TMEM200C: variants seen among roughly 807,000 people sequenced by gnomAD.
The protein encoded by TMEM200C is transmembrane protein 200C.
For synonymous variants in TMEM200C, 462 were observed against 324.7 expected, an observed-to-expected ratio of 1.42 and a Z score of -4.55; for missense variants, 966 against 699.9, an observed-to-expected ratio of 1.38 and a Z score of -4.29.
rs76397167 is a variant in TMEM200C, at chr18:5,893,713, T to A, written c.-95+1317A>T. Among the ~76,000 whole-genome samples, 688 of 152,338 alleles carry A rather than the reference T, an allele frequency of 4.5e-3. 8 individuals are homozygous for A. Among genetic ancestry groups the A allele is most frequent in the East Asian group, 0.02 (106 of 5,180 alleles). On this transcript the variant is annotated intron_variant, in intron 2 of 2. Coordinates refer to ENST00000581347, the Ensembl canonical transcript of TMEM200C. ...CTTTGGCCCTTGAGTTCCTCCATTA[T>A]ATCAATATAGGCAGGATCTTTTCTC...
chr18:5,889,620 T>G (rs1397814517), exon 3 of TMEM200C: 1 of 152,066 alleles, frequency 6.6e-6, no homozygotes, highest in Non-Finnish European at 1.5e-5. Flanking sequence ...ATGAAGAAGC[T>G]TTTGGGCATT....
exon 3 of TMEM200C, chr18:5,884,489 GA>G (rs895871666): frequency 1.8e-4 from 27 of 152,204 alleles, no homozygotes; most frequent in African/African-American, 6.0e-4. Flanking sequence ...TCTGTGGTCA[GA>G]AATTGTGTCT....
chr18:5,891,909 G>A lies in TMEM200C; in HGVS notation c.155C>T (p.Ser52Leu). 1 of 1,613,562 alleles carries A rather than the reference G, an allele frequency of 6.2e-7. No individual in the cohort carries two copies. The highest frequency in any genetic ancestry group is 8.5e-7 in the Non-Finnish European group (1 of 1,179,896). The change falls in exon 3 of 3, where the codon TCA becomes TTA. Residue 52 changes from serine to leucine, a missense_variant. Transcript: ENST00000581347. This position sits in a 1 kb window ranked among gnomAD's most constrained non-coding sequence, Gnocchi z 4.7. ...GATCCCACAGAGGGCGATGAGCCCT[G>A]AGATGGAGCACAGCTTCAGCTTGCC...
chr18:5,882,381 G>T (rs2095162427), exon 3 of TMEM200C: 1 of 151,962 alleles, frequency 6.6e-6, no homozygotes, highest in Non-Finnish European at 1.5e-5. Flanking sequence ...TTTTTTTCAG[G>T]CAGGTATAGC....
chr18:5,895,587 C>A (rs1436575015), intron 1 of TMEM200C, 65 bp from the exon 1 acceptor site: 1 of 135,096 alleles, frequency 7.4e-6, no homozygotes, highest in African/African-American at 2.9e-5. Flanking sequence ...CCCCGCCCCA[C>A]CCCCTCCTCC....
At position 5,891,905 on chromosome 18, in the gene TMEM200C, C is replaced by T. The variant is rs1197292870; in HGVS notation, c.159G>A (p.Gly53=). ...CCAGGATCCCACAGAGGGCGATGAGCCCTGAGATGGAGCACAGCTTCAGCT... is the reference window on the plus strand; with the variant it reads ...CCAGGATCCCACAGAGGGCGATGAGTCCTGAGATGGAGCACAGCTTCAGCT... The change falls in exon 3 of 3, where the codon GGG becomes GGA. Residue 53 remains glycine, a synonymous_variant. Transcript: ENST00000581347. This position sits in a 1 kb window ranked among gnomAD's most constrained non-coding sequence, Gnocchi z 4.7. 4 of 1,613,320 alleles carry T rather than the reference C, an allele frequency of 2.5e-6. No homozygotes were observed. The Admixed American group carries it at 5.0e-5, about 20-fold the overall frequency.
chr18:5,884,307 A>C lies in TMEM200C; in HGVS notation c.*5891T>G, dbSNP rs151225516. The stretch of plus-strand genomic sequence containing the variant: ...TGTGTTTTGTGTTCTGCATTTGCTC[A>C]TGCTGGCCCCACTGGCCAACACACC... On this transcript the variant is annotated 3_prime_UTR_variant, in exon 3 of 3. Coordinates refer to ENST00000581347, the Ensembl canonical transcript of TMEM200C. The C allele has an allele frequency of 3.9e-5, 6 of 152,240 alleles. No individual in the cohort carries two copies. The East Asian group carries it at 5.8e-4, about 15-fold the overall frequency. The allele number at this position is 152,240 out of a possible 1,614,324, so 9.4% of individuals were successfully genotyped here.
exon 3 of TMEM200C, chr18:5,890,513 G>A: frequency 1.3e-6 from 2 of 1,523,448 alleles, no homozygotes; most frequent in Non-Finnish European, 1.8e-6. Flanking sequence ...CCCGCCTGGT[G>A]GGGGGCGAGC....
chr18:5,886,423 G>A (rs1227454481), exon 3 of TMEM200C: 5 of 152,132 alleles, frequency 3.3e-5, no homozygotes, highest in African/African-American at 4.8e-5. Context: ...GGACCATAAG[G>A]AGCATATGTC....
At chr18:5,893,914 C>CAAA (rs113419102) in intron 2 of TMEM200C, among the ~76,000 whole-genome samples, 3 of 151,524 alleles carry the variant, frequency 2.0e-5, no homozygotes, top group Admixed American at 6.6e-5. Flanking sequence ...TTGAAACAAA[C>CAAA]AAAAAAAAGA....
exon 3 of TMEM200C, chr18:5,883,726 C>T (rs1432742212): frequency 2.6e-5 from 4 of 151,974 alleles, no homozygotes; most frequent in Admixed American, 2.0e-4. Context: ...CTTGATAGAA[C>T]AACCCCCAAG....
chr18:5,894,941 C>G (rs532091930), intron 2 of TMEM200C, 89 bp downstream of exon 1: 84 of 152,480 alleles, frequency 5.5e-4, no homozygotes, highest in Non-Finnish European at 1.0e-3. Context: ...CTCGGGGACC[C>G]GAGGGGCGGG....
In TMEM200C at chr18:5,890,628, C is replaced by T. The variant is rs1295249834; in HGVS notation, c.1436G>A (p.Arg479Gln). ...CGGGGGCTCGGGGGACGGCGGCGCCCGGTAGTCCGGGAGCCCGCTGGTGCT... is the reference window on the plus strand; with the variant it reads ...CGGGGGCTCGGGGGACGGCGGCGCCTGGTAGTCCGGGAGCCCGCTGGTGCT... The change falls in exon 3 of 3, where the codon CGG becomes CAG. Residue 479 changes from arginine (R) to glutamine (Q), a missense_variant. Physicochemically the swap from Arg to Gln is conservative, Grantham distance 43. Transcript: ENST00000581347. The T allele has an allele frequency of 3.7e-5, 34 of 922,562 alleles. No homozygotes were observed. The South Asian group carries it at 7.4e-4, about 20-fold the overall frequency. 57.1% of individuals were successfully genotyped at this position (922,562 alleles called of 1,614,324 possible). A position where few individuals can be genotyped will look rare whatever the true frequency, so the allele number is the denominator to read the frequency against.
At chr18:5,883,685 T>A (rs889237823) in exon 3 of TMEM200C, 2 of 152,130 alleles carry the variant, frequency 1.3e-5, no homozygotes, top group African/African-American at 4.8e-5. Context: ...TATTCAGTTA[T>A]CATGTGTAGA....
At chr18:5,892,112 A>T in exon 3 of TMEM200C, 6 of 1,542,224 alleles carry the variant, frequency 3.9e-6, no homozygotes, top group Non-Finnish European at 5.3e-6. Flanking sequence ...AGGCTTGCAC[A>T]GGGAGGGCGC....
chr18:5,890,755 G>C (rs1464345565), exon 3 of TMEM200C: 18 of 600,590 alleles, frequency 3.0e-5, no homozygotes, highest in Non-Finnish European at 3.3e-5. Context: ...TCCGGCTCCC[G>C]GCGCGCCCCG....
chr18:5,891,406 C>A lies in TMEM200C; in HGVS notation c.658G>T (p.Ala220Ser). 1 of 1,375,876 alleles carries A rather than the reference C, an allele frequency of 7.3e-7. No homozygotes were observed. The highest frequency in any genetic ancestry group is 3.1e-5 in the East Asian group (1 of 32,186). The allele number at this position is 1,375,876 out of a possible 1,614,324, so 85.2% of individuals were successfully genotyped here. A position where few individuals can be genotyped will look rare whatever the true frequency, so the allele number is the denominator to read the frequency against. The change falls in exon 3 of 3, where the codon GCC becomes TCC. Residue 220 changes from alanine (A) to serine (S), a missense_variant. By Grantham distance (99) the Ala-to-Ser change is moderately conservative. Coordinates refer to ENST00000581347, the Ensembl canonical transcript of TMEM200C. The surrounding 1 kb of genome is among the most constrained non-coding windows in gnomAD (Gnocchi z 4.7). ...GCGGCCGCGGCGGCGGCCGCGGCGG[C>A]CGCCAGGTCTTTGGCGCGGAGGCTG...
At chr18:5,894,500 A>G (rs2095174065) in intron 2 of TMEM200C, among the ~76,000 whole-genome samples, 1 of 152,152 alleles carries the variant, frequency 6.6e-6, no homozygotes, top group South Asian at 2.1e-4. Context: ...CTCGCAATTT[A>G]CTGCCTGGAG....
exon 3 of TMEM200C, chr18:5,883,453 A>C (rs2095163179): frequency 6.6e-6 from 1 of 152,122 alleles, no homozygotes; most frequent in Admixed American, 6.6e-5. Context: ...TCTCAAAATG[A>C]CTGGCTGTTT....
Sources: gnomAD v4.1 joint callset for allele counts (sites outside exome capture counted in the v4.1 genomes callset) on GRCh38, gnomAD v4.1.1 for gene constraint, Gnocchi (gnomAD v3.1) non-coding constraint, MANE v1.5 for transcripts, NCBI Gene and HGNC (gene_info 2026-07-23, HGNC 2026-07-21) for gene names.